SVIL: variants seen among roughly 807,000 people sequenced by gnomAD.
The protein encoded by SVIL is supervillin.
Under a neutral mutation model 240.4 loss-of-function variants are expected in SVIL, and 101 were observed. The observed-to-expected ratio is 0.42, with a 90% CI of 0.36 to 0.50. The LOEUF (loss-of-function observed/expected upper bound fraction) is 0.50. Among genes scored for constraint, SVIL ranks in the 20% least tolerant of loss-of-function variants. The pLI, the probability that SVIL is intolerant of heterozygous loss-of-function variation, is 0.01. For missense variants in SVIL, 2,512 were observed against 2,818.7 expected (o/e 0.89, Z 2.46); for synonymous variants, 999 against 1,100.0 (o/e 0.91, Z 1.82).
At chr10:29,708,886 A>C (rs779303660) in intron 1 of SVIL, among the ~76,000 whole-genome samples, 49 of 152,164 alleles carry the variant, frequency 3.2e-4, no homozygotes, top group Non-Finnish European at 5.6e-4. Context: ...ACAACAACAA[A>C]AAAATCAAAC....
intron 15 of SVIL, 75 bp downstream of exon 15, chr10:29,523,376 C>A (rs1950686814): frequency 1.4e-6 from 2 of 1,393,612 alleles, no homozygotes; most frequent in Non-Finnish European, 1.9e-6. Context: ...TAAAAGCCAT[C>A]ATAGACACAG....
chr10:29,547,795 A>T (rs552454607), intron 6 of SVIL, among the ~76,000 whole-genome samples: 3 of 152,218 alleles, frequency 2.0e-5, no homozygotes, highest in Non-Finnish European at 4.4e-5. Context: ...AGCTCTCATC[A>T]TGTGGCAATC....
rs775705213 is a variant in SVIL, at chr10:29,499,247, C to T, written c.3533G>A (p.Arg1178Gln). The T allele has an allele frequency of 1.7e-5, 27 of 1,614,224 alleles. No individual in the cohort carries two copies. The South Asian group carries it at 1.8e-4, about 11-fold the overall frequency. ...CTCCTCAATCGTCATTTGGCTCTCT[C>T]GACTTTCTGTGACCCGCTGTTCATA... ...SLIKKRVTES[R>Q]ESQMTIEERK... The change falls in exon 18 of 38, where the codon CGA becomes CAA. Residue 1178 changes from arginine (R) to glutamine (Q), a missense_variant. Arg to Gln is a conservative substitution (Grantham distance 43). This residue lies in a region of SVIL where 1,443 missense variants were observed against 1,486.6 expected (regional missense o/e 0.97). Transcript: ENST00000355867.
chr10:29,557,992 C>T (rs1195219506), intron 3 of SVIL, among the ~76,000 whole-genome samples: 1 of 152,166 alleles, frequency 6.6e-6, no homozygotes, highest in Non-Finnish European at 1.5e-5. Flanking sequence ...TGCTAAATCA[C>T]CCCCATTTGC....
intron 3 of SVIL, among the ~76,000 whole-genome samples, chr10:29,648,008 A>G: frequency 6.6e-6 from 1 of 151,590 alleles, no homozygotes; most frequent in East Asian, 1.9e-4. Context: ...TTACCAGAAA[A>G]AAAAAAAAAA....
At chr10:29,569,834 A>G (rs1408361700) in intron 1 of SVIL, among the ~76,000 whole-genome samples, 4 of 152,206 alleles carry the variant, frequency 2.6e-5, no homozygotes, top group African/African-American at 9.6e-5. Flanking sequence ...AAAAATAACT[A>G]TTTATTTGTA....
intron 1 of SVIL, among the ~76,000 whole-genome samples, chr10:29,592,854 A>G (rs559020274): frequency 6.6e-6 from 1 of 152,326 alleles, no homozygotes; most frequent in East Asian, 1.9e-4. Flanking sequence ...AGTTCATTCT[A>G]ATGACTAATG....
At chr10:29,721,103 C>T (rs1963949399) in intron 1 of SVIL, among the ~76,000 whole-genome samples, 1 of 152,130 alleles carries the variant, frequency 6.6e-6, no homozygotes, top group Non-Finnish European at 1.5e-5. Flanking sequence ...CCGCCTCAGC[C>T]TCCCAAAGTG....
upstream of SVIL, chr10:29,736,567 G>C (rs1964910191): frequency 6.6e-6 from 1 of 152,318 alleles, no homozygotes; most frequent in East Asian, 1.9e-4. Context: ...CTGAGGACCT[G>C]AGCGAAACTC....
intron 1 of SVIL, among the ~76,000 whole-genome samples, chr10:29,594,242 T>C (rs142663804): frequency 2.9e-4 from 29 of 100,756 alleles, no homozygotes; most frequent in Admixed American, 5.0e-4. Context: ...TATCTCATTA[T>C]GTACATGCAA....
At chr10:29,584,734 G>A (rs974548696) in intron 1 of SVIL, among the ~76,000 whole-genome samples, 16 of 152,312 alleles carry the variant, frequency 1.1e-4, no homozygotes, top group Middle Eastern at 3.4e-3. Context: ...GGAACGTGCT[G>A]TGGGCCCAGC....
chr10:29,724,745 G>C (rs1005083916), intron 1 of SVIL, among the ~76,000 whole-genome samples: 3 of 152,134 alleles, frequency 2.0e-5, no homozygotes, highest in Non-Finnish European at 4.4e-5. Context: ...TGAGCAGCTG[G>C]GCAAGGTGGC....
chr10:29,470,582 C>T, intron 31 of SVIL, 99 bp from the exon 32 acceptor site: 1 of 1,396,394 alleles, frequency 7.2e-7, no homozygotes, highest in Non-Finnish European at 9.8e-7. Context: ...AGGCAGCCAC[C>T]TCCGTCCAGG....
rs766425928 is a variant in SVIL, at chr10:29,499,147, C to T, written c.3633G>A (p.Gln1211=). The change falls in exon 18 of 38, where the codon CAG becomes CAA. Residue 1211 remains glutamine, a synonymous_variant. Transcript: ENST00000355867. The stretch of plus-strand genomic sequence containing the variant: ...TCACCATCCTGCCAGCCACAGTGAA[C>T]TGGGTCGAGTCGTTGGCCGCTCCTC... The part of the protein sequence containing the change: ...RGRGAANDST[Q]FTVAGRMVKK... 138 of 1,613,830 alleles carry T rather than the reference C, an allele frequency of 8.6e-5. No individual in the cohort carries two copies. Among genetic ancestry groups the T allele is most frequent in the Non-Finnish European group, 1.1e-4 (133 of 1,180,012 alleles).
At chr10:29,530,486 G>C in intron 11 of SVIL, 121 bp downstream of exon 11, 7 of 1,067,068 alleles carry the variant, frequency 6.6e-6, no homozygotes, top group Non-Finnish European at 9.8e-6. Flanking sequence ...GGGTCTCACT[G>C]TGTTGCCCAG....
chr10:29,555,219 T>C lies in SVIL; in HGVS notation c.-50-111A>G. 12 of 1,102,208 alleles carry C rather than the reference T, an allele frequency of 1.1e-5. No homozygotes were observed. In the South Asian group the frequency reaches 1.3e-4, roughly 12 times the overall value. 68.3% of individuals were successfully genotyped at this position (1,102,208 alleles called of 1,614,324 possible). A position where few individuals can be genotyped will look rare whatever the true frequency, so the allele number is the denominator to read the frequency against. On this transcript the variant is annotated intron_variant, in intron 3 of 37. Coordinates refer to ENST00000355867, the MANE Select transcript of SVIL (RefSeq NM_021738.3). ...TGCAAATTTCAGTTCTTGATTCCTA[T>C]GTCACAGTGACATGCAAAACTGACC...
chr10:29,598,403 A>T lies in SVIL; in HGVS notation c.-200-29091T>A, dbSNP rs994379619. On this transcript the variant is annotated intron_variant, in intron 1 of 37. Transcript: ENST00000355867. ...TGTGTATTTTACCACAATAAAAAAA[A>T]TTTGAGGGAAAAAGCCCCATAGGGC... Among the ~76,000 whole-genome samples the T allele has an allele frequency of 5.9e-5, 9 of 152,188 alleles. No homozygotes were observed. The East Asian group carries it at 7.7e-4, about 13-fold the overall frequency.
intron 3 of SVIL, among the ~76,000 whole-genome samples, chr10:29,643,750 A>G (rs1238341417): frequency 6.6e-6 from 1 of 152,098 alleles, no homozygotes; most frequent in Non-Finnish European, 1.5e-5. Context: ...TTTAGCTGAA[A>G]ATCTTTGAGC....
chr10:29,563,397 T>A (rs1410269884), intron 2 of SVIL, 105 bp from the exon 3 acceptor site: 3 of 330,880 alleles, frequency 9.1e-6, no homozygotes, highest in East Asian at 3.4e-4. Flanking sequence ...TCATTCAATA[T>A]GTACACATAG....
Sources: allele counts gnomAD v4.1 joint callset (sites outside exome capture counted in the v4.1 genomes callset), GRCh38; gene constraint gnomAD v4.1.1; regional missense constraint gnomAD v4.1.1; transcripts MANE v1.5; gene names NCBI Gene and HGNC (gene_info 2026-07-23, HGNC 2026-07-21).